HRH1: variants seen among roughly 807,000 people sequenced by gnomAD.
The protein encoded by HRH1 is histamine H1 receptor.
HRH1 carries 6 observed loss-of-function variants against 10.3 expected under a neutral mutation model. The ratio of observed to expected loss-of-function variants is 0.58; its 90% confidence interval spans 0.32 to 1.15. The LOEUF is 1.15. Among genes scored for constraint, HRH1 ranks in the 50% most tolerant of loss-of-function variants. The pLI, the probability that HRH1 is intolerant of heterozygous loss-of-function variation, is 0.05. For missense variants in HRH1, 514 were observed against 615.3 expected (o/e 0.84, Z 1.74); for synonymous variants, 242 against 236.7 (o/e 1.02, Z -0.21).
intron 1 of HRH1, among the ~76,000 whole-genome samples, chr3:11,214,042 G>T (rs1269174137): frequency 6.6e-6 from 1 of 152,120 alleles, no homozygotes; most frequent in East Asian, 1.9e-4. Flanking sequence ...GGGGTTTGTG[G>T]AAGGGTGGTA....
chr3:11,213,158 T>C (rs892466330), intron 1 of HRH1, among the ~76,000 whole-genome samples: 2 of 152,240 alleles, frequency 1.3e-5, no homozygotes, highest in Admixed American at 6.5e-5. Context: ...CTTTAGGATA[T>C]GTTTCTTCCG....
rs1938229233 is a variant in HRH1, at chr3:11,208,920, G to A, written c.-35-50083G>A. On this transcript the variant is annotated intron_variant, in intron 1 of 1. Coordinates refer to ENST00000431010, the MANE Select transcript of HRH1 (RefSeq NM_001098212.2). The stretch of plus-strand genomic sequence containing the variant: ...AGCCAAAGAATATGTACATTTTAAA[G>A]ATTTTGAGTAAAAGCTACAAAACTG... Among the ~76,000 whole-genome samples the A allele has an allele frequency of 4.6e-5, 7 of 152,266 alleles. No individual in the cohort carries two copies. The South Asian group carries it at 1.5e-3, about 32-fold the overall frequency.
chr3:11,189,472 T>C (rs1937506483), intron 1 of HRH1, among the ~76,000 whole-genome samples: 1 of 152,222 alleles, frequency 6.6e-6, no homozygotes, highest in African/African-American at 2.4e-5. Context: ...GTCAGTATTA[T>C]AACGAGATCC....
At chr3:11,138,631 C>T (rs1322280321) in intron 1 of HRH1, among the ~76,000 whole-genome samples, 1 of 152,146 alleles carries the variant, frequency 6.6e-6, no homozygotes, top group Non-Finnish European at 1.5e-5. Flanking sequence ...ACAAGACCAT[C>T]CCCTGGTATA....
In HRH1 at chr3:11,259,311, A is replaced by C; in HGVS notation, c.274A>C (p.Lys92Gln). ...PMNILYLLMS[K>Q]WSLGRPLCLF... ...GAACATCCTCTACCTGCTCATGTCC[A>C]AGTGGTCACTGGGCCGTCCTCTCTG... Residue 92 changes from lysine (K) to glutamine (Q), a missense_variant, in exon 2 of 2, where the codon AAG (lysine) becomes CAG (glutamine). Coordinates refer to ENST00000431010, the MANE Select transcript of HRH1 (RefSeq NM_001098212.2). The surrounding 1 kb of genome is among the most constrained non-coding windows in gnomAD (Gnocchi z 4.6). 1 of 1,613,122 alleles carries C rather than the reference A, an allele frequency of 6.2e-7. No homozygotes were observed. Among genetic ancestry groups the C allele is most frequent in the Non-Finnish European group, 8.5e-7 (1 of 1,179,854 alleles).
intron 1 of HRH1, among the ~76,000 whole-genome samples, chr3:11,207,463 G>A (rs1211613313): frequency 6.6e-6 from 1 of 152,116 alleles, no homozygotes; most frequent in Admixed American, 6.5e-5. Flanking sequence ...TAGCTGCTCA[G>A]GAGGCTGAGG....
chr3:11,255,871 A>C (rs942649603), intron 1 of HRH1, among the ~76,000 whole-genome samples: 1 of 152,222 alleles, frequency 6.6e-6, no homozygotes, highest in South Asian at 2.1e-4. Context: ...GCAGTTCCCA[A>C]CTTGACTTTT....
intron 1 of HRH1, among the ~76,000 whole-genome samples, chr3:11,254,687 C>T (rs1467646073): frequency 2.6e-5 from 4 of 152,194 alleles, no homozygotes; most frequent in African/African-American, 7.2e-5. Context: ...GAGACCCTCC[C>T]CGGAGGAGAA....
chr3:11,185,163 T>G (rs1400205720), intron 1 of HRH1, among the ~76,000 whole-genome samples: 1 of 152,068 alleles, frequency 6.6e-6, no homozygotes, highest in Non-Finnish European at 1.5e-5. Context: ...TGCTATAAAT[T>G]CAGATTCAGA....
Position 11,259,631 on chromosome 3 carries a change from C to T in HRH1, c.594C>T (p.Asn198=), listed in dbSNP as rs1939884862. 6.2e-7 allele frequency: 1 copy of T among 1,614,144 alleles called. No individual in the cohort carries two copies. Among genetic ancestry groups the T allele is most frequent in the East Asian group, 2.2e-5 (1 of 44,876 alleles). Residue 198 remains asparagine (N), a synonymous_variant, in exon 2 of 2, where the codon AAC becomes AAT. Transcript: ENST00000431010. This position sits in a 1 kb window ranked among gnomAD's most constrained non-coding sequence, Gnocchi z 4.6. Reference sequence around the variant, plus strand: ...TCAAGGTCATGACTGCCATCATCAACTTCTACCTGCCCACCTTGCTCATGC... The same window carrying T: ...TCAAGGTCATGACTGCCATCATCAATTTCTACCTGCCCACCTTGCTCATGC... ...TWFKVMTAII[N]FYLPTLLMLW... is the part of the protein sequence containing the mutation.
intron 1 of HRH1, among the ~76,000 whole-genome samples, chr3:11,159,923 C>T (rs988661589): frequency 1.3e-5 from 2 of 152,170 alleles, no homozygotes; most frequent in South Asian, 2.1e-4. Context: ...ACAGAGACTG[C>T]GAACCTGTCT....
At chr3:11,227,581 C>T (rs1225943560) in intron 1 of HRH1, among the ~76,000 whole-genome samples, 7 of 152,086 alleles carry the variant, frequency 4.6e-5, no homozygotes, top group East Asian at 1.9e-4. Context: ...CCACCACGCC[C>T]GGCCTTACCT....
Position 11,232,754 on chromosome 3 carries a change from C to T in HRH1, c.-35-26249C>T, listed in dbSNP as rs575942344. Among the ~76,000 whole-genome samples, 17 of 152,280 alleles carry T rather than the reference C, an allele frequency of 1.1e-4. No individual in the cohort carries two copies. The East Asian group carries it at 1.5e-3, about 14-fold the overall frequency. Reference sequence around the variant, plus strand: ...GACATATTTACTCTGTTGAGACTTCCGATCCATAAACACTCTCCATTTATT... The same window carrying T: ...GACATATTTACTCTGTTGAGACTTCTGATCCATAAACACTCTCCATTTATT... On this transcript the variant is annotated intron_variant, in intron 1 of 1. Transcript: ENST00000431010.
chr3:11,213,971 C>T (rs1281165102), intron 1 of HRH1, among the ~76,000 whole-genome samples: 1 of 152,108 alleles, frequency 6.6e-6, no homozygotes, highest in African/African-American at 2.4e-5. Context: ...AGGGAAGGCT[C>T]CTTGGCGGGT....
intron 1 of HRH1, among the ~76,000 whole-genome samples, chr3:11,200,176 C>G (rs1321110777): frequency 1.3e-5 from 2 of 152,210 alleles, no homozygotes; most frequent in African/African-American, 4.8e-5. Context: ...ACACGACTGA[C>G]AGATGCAGAG....
upstream of HRH1, among the ~76,000 whole-genome samples, chr3:11,151,554 A>T (rs1936625634): frequency 6.6e-6 from 1 of 152,118 alleles, no homozygotes; most frequent in African/African-American, 2.4e-5. Flanking sequence ...GCTGAAATGA[A>T]GTGTTCAATC....
At chr3:11,155,753 G>A (rs1936773833) in intron 1 of HRH1, among the ~76,000 whole-genome samples, 1 of 152,132 alleles carries the variant, frequency 6.6e-6, no homozygotes, top group African/African-American at 2.4e-5. Flanking sequence ...TGTCCCTGGA[G>A]CATGAAGGAG....
rs140236147 is a variant in HRH1, at chr3:11,232,902, C to T, written c.-35-26101C>T. Among the ~76,000 whole-genome samples, 173 of 152,260 alleles carry T rather than the reference C, an allele frequency of 1.1e-3. 3 individuals are homozygous for T. The East Asian group carries it at 0.029, about 25-fold the overall frequency. On this transcript the variant is annotated intron_variant, in intron 1 of 1. Coordinates refer to ENST00000431010, the MANE Select transcript of HRH1 (RefSeq NM_001098212.2). ...AGATATTTTCACTGAGTATAAGAGT[C>T]TGGGCTGACAGCTCTTTTCTTTCAG...
At chr3:11,242,337 C>T (rs548886589) in intron 1 of HRH1, among the ~76,000 whole-genome samples, 4 of 152,030 alleles carry the variant, frequency 2.6e-5, no homozygotes, top group South Asian at 2.1e-4. Context: ...AAAAATTAGC[C>T]GGCCATGGTG....
Sources: allele counts gnomAD v4.1 joint callset (sites outside exome capture counted in the v4.1 genomes callset), GRCh38; gene constraint gnomAD v4.1.1; non-coding constraint Gnocchi (gnomAD v3.1); transcripts MANE v1.5; gene names NCBI Gene and HGNC (gene_info 2026-07-23, HGNC 2026-07-21).